MRPS28: variants seen among roughly 807,000 people sequenced by gnomAD.
The protein encoded by MRPS28 is mitochondrial ribosomal protein S28.
A neutral mutation model predicts 10.8 loss-of-function variants in MRPS28; 7 were observed. That is an observed-to-expected ratio of 0.65 (90% CI 0.37 to 1.22). The LOEUF (loss-of-function observed/expected upper bound fraction) is 1.22, where lower values mean the gene tolerates loss of function less well. MRPS28 is among the 50% of genes most tolerant of loss of function. The pLI is 0.02. For synonymous variants in MRPS28, 121 were observed against 93.3 expected (o/e 1.30, Z -1.71); for missense variants, 265 against 232.9 (o/e 1.14, Z -0.90).
chr8:79,968,154 C>A (rs1807546167), intron 2 of MRPS28, among the ~76,000 whole-genome samples: 1 of 152,056 alleles, frequency 6.6e-6, no homozygotes, highest in Non-Finnish European at 1.5e-5. Flanking sequence ...TATTATATCT[C>A]TTTTCTAAAT....
At chr8:79,943,279 G>A (rs777219600) in intron 2 of MRPS28, among the ~76,000 whole-genome samples, 2 of 152,220 alleles carry the variant, frequency 1.3e-5, no homozygotes, top group African/African-American at 4.8e-5. Flanking sequence ...ATACTTCAGA[G>A]TATGCTATGT....
intron 2 of MRPS28, among the ~76,000 whole-genome samples, chr8:79,989,719 G>C (rs1808302234): frequency 6.6e-6 from 1 of 152,070 alleles, no homozygotes; most frequent in Admixed American, 6.6e-5. Flanking sequence ...GTTTTGTTTT[G>C]TTTTGTTTTT....
At chr8:79,998,131 A>G (rs1222601856) in intron 2 of MRPS28, among the ~76,000 whole-genome samples, 2 of 152,196 alleles carry the variant, frequency 1.3e-5, no homozygotes, top group African/African-American at 2.4e-5. Flanking sequence ...CTCAACTGGA[A>G]GAAACCAAAG....
intron 2 of MRPS28, among the ~76,000 whole-genome samples, chr8:79,977,182 T>C (rs1321737392): frequency 6.6e-6 from 1 of 152,222 alleles, no homozygotes; most frequent in Admixed American, 6.6e-5. Flanking sequence ...CAGAAATCTG[T>C]AGCTGAAAAG....
At chr8:80,021,801 A>T (rs1298821250) in intron 1 of MRPS28, among the ~76,000 whole-genome samples, 1 of 152,238 alleles carries the variant, frequency 6.6e-6, no homozygotes, top group East Asian at 1.9e-4. Flanking sequence ...CTATTTAAAA[A>T]TCATTGTAGA....
Position 80,030,108 on chromosome 8 carries a change from CGT to C in MRPS28, c.139_140del (p.Thr47AlafsTer51), listed in dbSNP as rs756727213. 7 of 1,613,498 alleles carry C rather than the reference CGT, an allele frequency of 4.3e-6. No individual in the cohort carries two copies. Among genetic ancestry groups the C allele is most frequent in the Non-Finnish European group, 5.1e-6 (6 of 1,179,970 alleles). ...ACGCGCTCGCGAAACCGCCTGCGCG[CGT>C]CTTAGGCTCCTTGGCATTGGAACTA... ...SGSSNAKEPKTRAGGFASALE... is the reference protein window; with the variant it reads ...SGSSNAKEPKXRAGGFASALE... On this transcript the variant is annotated frameshift_variant, in exon 1 of 3. Transcript: ENST00000276585. LOFTEE classifies it high-confidence loss of function.
chr8:79,951,095 T>G (rs1357993995), intron 2 of MRPS28, among the ~76,000 whole-genome samples: 1 of 152,186 alleles, frequency 6.6e-6, no homozygotes, highest in Admixed American at 6.5e-5. Context: ...CAGGGCCTCA[T>G]GCACAGAAGG....
intron 2 of MRPS28, among the ~76,000 whole-genome samples, chr8:79,939,831 A>G (rs939188579): frequency 7.9e-5 from 12 of 152,000 alleles, no homozygotes; most frequent in South Asian, 2.1e-4. Flanking sequence ...TTAGCCGGGC[A>G]TGGTGGCGGG....
intron 2 of MRPS28, among the ~76,000 whole-genome samples, chr8:79,930,305 G>A (rs1806429383): frequency 6.6e-6 from 1 of 152,120 alleles, no homozygotes; most frequent in Non-Finnish European, 1.5e-5. Context: ...TCTCCTATAT[G>A]AGGACACATG....
chr8:79,959,914 TTGAA>T (rs1281024711), intron 2 of MRPS28, among the ~76,000 whole-genome samples: 2 of 152,146 alleles, frequency 1.3e-5, no homozygotes, highest in Non-Finnish European at 2.9e-5. Flanking sequence ...CTTTCTCTTC[TTGAA>T]AAAGCACAGA....
At chr8:79,951,096 G>A (rs1807067523) in intron 2 of MRPS28, among the ~76,000 whole-genome samples, 1 of 152,206 alleles carries the variant, frequency 6.6e-6, no homozygotes. Flanking sequence ...AGGGCCTCAT[G>A]CACAGAAGGG....
At chr8:79,976,178 G>C (rs1321810882) in intron 2 of MRPS28, among the ~76,000 whole-genome samples, 2 of 151,918 alleles carry the variant, frequency 1.3e-5, no homozygotes, top group Non-Finnish European at 2.9e-5. Context: ...CTGCCTCCCG[G>C]GTTCAAGCAA....
chr8:80,027,658 A>C (rs920210805), intron 1 of MRPS28, among the ~76,000 whole-genome samples: 4 of 152,266 alleles, frequency 2.6e-5, no homozygotes, highest in African/African-American at 9.6e-5. Flanking sequence ...AGTGGTATCA[A>C]TTAAGAAGGA....
At chr8:79,989,079 G>A (rs562710052) in intron 2 of MRPS28, among the ~76,000 whole-genome samples, 1 of 152,170 alleles carries the variant, frequency 6.6e-6, no homozygotes, top group Non-Finnish European at 1.5e-5. Context: ...TCCCTGATGA[G>A]TTTAAGAGGG....
chr8:80,015,269 T>C (rs1809165015), intron 1 of MRPS28, among the ~76,000 whole-genome samples: 3 of 152,228 alleles, frequency 2.0e-5, no homozygotes, highest in Admixed American at 2.0e-4. Flanking sequence ...TATTCAACAA[T>C]TCATTTATCA....
At chr8:79,970,668 A>T (rs149374328) in intron 2 of MRPS28, among the ~76,000 whole-genome samples, 3 of 152,196 alleles carry the variant, frequency 2.0e-5, no homozygotes, top group Non-Finnish European at 4.4e-5. Flanking sequence ...ATAACTCCTT[A>T]ATTTGTGGTT....
At chr8:79,976,764 T>C (rs1807815203) in intron 2 of MRPS28, among the ~76,000 whole-genome samples, 1 of 152,144 alleles carries the variant, frequency 6.6e-6, no homozygotes, top group African/African-American at 2.4e-5. Flanking sequence ...GTGATAATTG[T>C]TTTTTTCCTT....
chr8:80,010,538 C>T (rs1809012030), intron 1 of MRPS28, among the ~76,000 whole-genome samples: 2 of 152,234 alleles, frequency 1.3e-5, no homozygotes, highest in Admixed American at 1.3e-4. Context: ...CCAGCTGCAG[C>T]TGCAATTCAA....
intron 2 of MRPS28, among the ~76,000 whole-genome samples, chr8:79,984,427 T>C (rs1448570013): frequency 6.6e-6 from 1 of 152,116 alleles, no homozygotes. Context: ...CAAAACAATA[T>C]TAACCTTAAA....
Sources: gnomAD v4.1 joint callset for allele counts (sites outside exome capture counted in the v4.1 genomes callset) on GRCh38, gnomAD v4.1.1 for gene constraint, MANE v1.5 for transcripts, NCBI Gene and HGNC (gene_info 2026-07-23, HGNC 2026-07-21) for gene names.